The following ERI1 variants were observed in gnomAD, a reference collection of about 807,000 sequenced individuals.
ERI1 encodes the protein 3'-5' exoribonuclease 1.
Under a neutral mutation model 39.7 loss-of-function variants are expected in ERI1, and 39 were observed. That is an observed-to-expected ratio of 0.98 (90% CI 0.76 to 1.28). ERI1 has a LOEUF of 1.28. Among genes scored for constraint, ERI1 ranks in the 50% most tolerant of loss-of-function variants. ERI1 has a pLI of 0.00. For synonymous variants in ERI1, 204 were observed against 149.6 expected (o/e 1.36, Z -2.65); for missense variants, 581 against 416.9 (o/e 1.39, Z -3.43).
intron 3 of ERI1, among the ~76,000 whole-genome samples, chr8:9,067,996 T>C (rs1798935535): frequency 6.6e-6 from 1 of 152,140 alleles, no homozygotes; most frequent in African/African-American, 2.4e-5. Context: ...CTCAACAGTC[T>C]CCTTCCCCCA....
chr8:9,066,879 C>G (rs1386106876), intron 3 of ERI1, among the ~76,000 whole-genome samples: 1 of 151,964 alleles, frequency 6.6e-6, no homozygotes, highest in Non-Finnish European at 1.5e-5. Flanking sequence ...TCTCAGTGGC[C>G]TCAGCTGAGC....
At chr8:9,017,630 G>T (rs994039736) in intron 4 of ERI1, among the ~76,000 whole-genome samples, 10 of 152,166 alleles carry the variant, frequency 6.6e-5, no homozygotes, top group African/African-American at 2.4e-4. Context: ...TCAAGTTGAT[G>T]AACTTGGGCT....
At chr8:9,055,794 C>G (rs990619144) in intron 3 of ERI1, among the ~76,000 whole-genome samples, 25 of 152,318 alleles carry the variant, frequency 1.6e-4, no homozygotes, top group African/African-American at 5.8e-4. Context: ...CCCTTCTCAG[C>G]TTCCCAAAAC....
rs3989371 is a variant in ERI1, at chr8:9,049,336, C to CAAAAAAAAAAAAAAAAAAAAAAAAAA, written n.299+28876_299+28901dup. Among the ~76,000 whole-genome samples the CAAAAAAAAAAAAAAAAAAAAAAAAAA allele has an allele frequency of 3.6e-4, 12 of 33,246 alleles. 1 individual carries two copies. Among genetic ancestry groups the CAAAAAAAAAAAAAAAAAAAAAAAAAA allele is most frequent in the Non-Finnish European group, 5.8e-4 (11 of 18,932 alleles). The allele number at this position is 33,246 out of a possible 152,430, so 21.8% of individuals were successfully genotyped here. On this transcript the variant is annotated intron_variant and non_coding_transcript_variant, in intron 3 of 3. Transcript: ENST00000518663. ...GGGCGACAGAGTGAGACTCCGTCTCCAAAAAAAAAAAAAAAAAAAAAAAAA... is the reference window on the plus strand; with the variant it reads ...GGGCGACAGAGTGAGACTCCGTCTCCAAAAAAAAAAAAAAAAAAAAAAAAAAAAAAAAAAAAAAAAAAAAAAAAAAA...
intron 3 of ERI1, among the ~76,000 whole-genome samples, chr8:9,077,476 G>T (rs1799243375): frequency 6.6e-6 from 1 of 150,588 alleles, no homozygotes; most frequent in African/African-American, 2.5e-5. Context: ...ACTCAGAGGA[G>T]GACCAGCTGA....
intron 6 of ERI1, among the ~76,000 whole-genome samples, chr8:9,022,842 G>A (rs1818062504): frequency 6.6e-6 from 1 of 152,156 alleles, no homozygotes; most frequent in African/African-American, 2.4e-5. Flanking sequence ...GGCCAGTCAT[G>A]TTTCATGTGT....
chr8:9,033,530 A>G (rs185618660), downstream of ERI1, among the ~76,000 whole-genome samples: 137 of 151,776 alleles, frequency 9.0e-4, no homozygotes, highest in African/African-American at 3.2e-3. Context: ...TCAACAAACA[A>G]GAAATGCGAC....
intron 3 of ERI1, among the ~76,000 whole-genome samples, chr8:9,074,196 C>T (rs903871886): frequency 4.0e-5 from 6 of 151,828 alleles, no homozygotes; most frequent in Non-Finnish European, 8.8e-5. Flanking sequence ...CTGCAACCTC[C>T]GCCTCCCAGG....
At chr8:9,037,683 G>A (rs544196756), downstream of ERI1, among the ~76,000 whole-genome samples, 4 of 152,154 alleles carry the variant, frequency 2.6e-5, no homozygotes, top group East Asian at 1.9e-4. Flanking sequence ...CCTGACTGCC[G>A]TGATGAATGA....
At chr8:9,005,688 A>C (rs1339304858) in intron 1 of ERI1, among the ~76,000 whole-genome samples, 2 of 147,240 alleles carry the variant, frequency 1.4e-5, no homozygotes, top group East Asian at 4.0e-4. Context: ...TTGTATTTTT[A>C]GTAGAGACGG....
chr8:9,034,178 A>T (rs1797761423), downstream of ERI1, among the ~76,000 whole-genome samples: 1 of 152,268 alleles, frequency 6.6e-6, no homozygotes, highest in African/African-American at 2.4e-5. Flanking sequence ...GACTTGGGTA[A>T]GGGGCGGATG....
chr8:9,007,932 ATCCTTTTTTTTTTTTTTT>A lies in ERI1; in HGVS notation c.109-36_109-19del, dbSNP rs1816198667. 54 of 1,529,520 alleles carry A rather than the reference ATCCTTTTTTTTTTTTTTT, an allele frequency of 3.5e-5. No homozygotes were observed. Among genetic ancestry groups the A allele is most frequent in the Admixed American group, 1.9e-4 (8 of 42,526 alleles). 94.7% of individuals were successfully genotyped at this position (1,529,520 alleles called of 1,614,324 possible). A position where few individuals can be genotyped will look rare whatever the true frequency, so the allele number is the denominator to read the frequency against. On this transcript the variant is annotated intron_variant, in intron 1 of 6. Coordinates refer to ENST00000250263, the MANE Select transcript of ERI1 (RefSeq NM_153332.4). ...GATGTTTGTACTAATTATAAACTAC[ATCCTTTTTTTTTTTTTTT>A]TTTTTTTTTTTTTTGGTAGGAAACT... is the stretch of plus-strand genomic sequence containing the variant.
chr8:9,007,539 T>C (rs150249527), intron 1 of ERI1, among the ~76,000 whole-genome samples: 4 of 152,338 alleles, frequency 2.6e-5, no homozygotes, highest in African/African-American at 9.6e-5. Flanking sequence ...ACACATAATC[T>C]CATTTAATCT....
chr8:9,015,738 A>AAAAAAAAAAAAG (rs1563318556), intron 3 of ERI1, among the ~76,000 whole-genome samples: 6 of 151,130 alleles, frequency 4.0e-5, no homozygotes, highest in African/African-American at 1.5e-4. Context: ...AAAAAAAAAA[A>AAAAAAAAAAAAG]AAAGAGACCA....
chr8:9,037,336 T>C (rs553633113), downstream of ERI1, among the ~76,000 whole-genome samples: 3 of 152,322 alleles, frequency 2.0e-5, no homozygotes, highest in East Asian at 3.9e-4. Flanking sequence ...ATCAGTCTTA[T>C]TCTCTTGATT....
intron 1 of ERI1, among the ~76,000 whole-genome samples, chr8:9,007,126 C>T (rs901084559): frequency 1.3e-5 from 2 of 152,170 alleles, no homozygotes; most frequent in African/African-American, 4.8e-5. Flanking sequence ...TAATTTGAGA[C>T]TGCCTGTGGA....
chr8:9,046,810 C>G (rs1326053896), intron 3 of ERI1, among the ~76,000 whole-genome samples: 1 of 152,204 alleles, frequency 6.6e-6, no homozygotes, highest in Non-Finnish European at 1.5e-5. Flanking sequence ...AAGTTCCACT[C>G]TCACAAGCAG....
intron 1 of ERI1, among the ~76,000 whole-genome samples, chr8:9,005,883 G>C (rs1022135843): frequency 6.6e-6 from 1 of 152,278 alleles, no homozygotes; most frequent in South Asian, 2.1e-4. Flanking sequence ...TAATGTAAAA[G>C]CTTCTCTTAT....
At chr8:9,006,667 C>G (rs1404915363) in intron 1 of ERI1, among the ~76,000 whole-genome samples, 1 of 152,144 alleles carries the variant, frequency 6.6e-6, no homozygotes, top group Non-Finnish European at 1.5e-5. Context: ...CATTGGTCAA[C>G]TAGCAATACT....
Sources: allele counts gnomAD v4.1 joint callset (sites outside exome capture counted in the v4.1 genomes callset), GRCh38; gene constraint gnomAD v4.1.1; transcripts MANE v1.5; gene names NCBI Gene and HGNC (gene_info 2026-07-23, HGNC 2026-07-21).